The following TRDMT1 variants were observed in gnomAD, a reference collection of about 807,000 sequenced individuals.
TRDMT1 encodes the protein tRNA aspartic acid methyltransferase 1.
Under a neutral mutation model 51.2 loss-of-function variants are expected in TRDMT1, and 49 were observed. That is an observed-to-expected ratio of 0.96 (90% confidence interval 0.76 to 1.21). The LOEUF is 1.21. TRDMT1 is among the 50% of genes most tolerant of loss of function. The pLI is 0.00. For synonymous variants in TRDMT1, 187 were observed against 164.6 expected, an observed-to-expected ratio of 1.14 and a Z score of -1.04; for missense variants, 534 against 462.3, an observed-to-expected ratio of 1.16 and a Z score of -1.42.
chr10:17,191,773 CCTGT>C (rs1380349635), intron 1 of TRDMT1, among the ~76,000 whole-genome samples: 7 of 152,084 alleles, frequency 4.6e-5, no homozygotes, highest in African/African-American at 1.4e-4. Context: ...CCTTTCTCAT[CCTGT>C]CTGTTATTGG....
intron 1 of TRDMT1, 195 bp downstream of exon 1, chr10:17,201,376 A>G (rs762044567): frequency 3.7e-5 from 20 of 535,940 alleles, no homozygotes; most frequent in Non-Finnish European, 5.8e-5. Context: ...CGGCGCCAGG[A>G]GAAGGGAGTC....
At chr10:17,161,357 G>T (rs3752950) in intron 5 of TRDMT1, 126 bp downstream of exon 5, 185,945 of 625,582 alleles carry the variant, frequency 0.3, 28,271 homozygotes, top group Non-Finnish European at 0.32. Context: ...ATACTGATGA[G>T]TAAGACATTT....
intron 5 of TRDMT1, among the ~76,000 whole-genome samples, chr10:17,160,723 G>A (rs533683121): frequency 1.4e-4 from 22 of 152,046 alleles, no homozygotes; most frequent in Admixed American, 2.0e-4. Context: ...CACCCGCCTC[G>A]GCCTCCCAAA....
rs936250826 is a variant in TRDMT1 at position 17,139,628 on chromosome 10, C to T, written c.*9412G>A. 6.6e-6 allele frequency among the ~76,000 whole-genome samples: 1 copy of T among 152,210 alleles called. No individual in the cohort carries two copies. The highest frequency in any genetic ancestry group is 6.5e-5 in the Admixed American group (1 of 15,280). ...GGAAGATAGACGCAGAAGCAGTACA[C>T]ACAGGCATCTTTATCTTGTGAGAGG... is the stretch of plus-strand genomic sequence containing the variant. On this transcript the variant is annotated 3_prime_UTR_variant, in exon 11 of 11. Transcript: ENST00000377799.
chr10:17,191,786 G>A (rs528891368), intron 1 of TRDMT1, among the ~76,000 whole-genome samples: 51 of 152,092 alleles, frequency 3.4e-4, no homozygotes, highest in African/African-American at 1.2e-3. Flanking sequence ...GTCTGTTATT[G>A]GTCAAAAGTC....
In TRDMT1 at chr10:17,157,691, T is replaced by C. The variant is rs1839732770; in HGVS notation, c.637A>G (p.Asn213Asp). The change falls in exon 8 of 11, where the codon AAT becomes GAT. Residue 213 changes from asparagine (N) to aspartate (D), a missense_variant. Transcript: ENST00000377799. ...NKIQEKNVEPNISFDGSIQCS... is the reference protein window; with the variant it reads ...NKIQEKNVEPDISFDGSIQCS... ...TGTATGCTGCCATCAAAGCTAATAT[T>C]TGGTTCAACGTTCTTTTCTTGAATT... The C allele has an allele frequency of 1.2e-6, 2 of 1,613,060 alleles. No homozygotes were observed. The highest frequency in any genetic ancestry group is 1.7e-6 in the Non-Finnish European group (2 of 1,179,548).
chr10:17,178,260 T>C (rs1207756389), intron 1 of TRDMT1, among the ~76,000 whole-genome samples: 2 of 152,198 alleles, frequency 1.3e-5, no homozygotes, highest in Non-Finnish European at 2.9e-5. Flanking sequence ...TCATTCAAAG[T>C]GCTGGCTTAG....
Position 17,165,459 on chromosome 10 carries a change from G to T in TRDMT1, c.252-3222C>A, listed in dbSNP as rs543511535. 4.6e-5 allele frequency among the ~76,000 whole-genome samples: 7 copies of T among 152,274 alleles called. No homozygotes were observed. The East Asian group carries it at 9.6e-4, about 21-fold the overall frequency. On this transcript the variant is annotated intron_variant, in intron 3 of 10. Transcript: ENST00000377799. ...AATACCATTCAGGACATAGGCATGG[G>T]CAAGGACTTTATGTCTAAAACACCA...
At chr10:17,190,651 C>G (rs1207965682) in intron 1 of TRDMT1, among the ~76,000 whole-genome samples, 1 of 152,120 alleles carries the variant, frequency 6.6e-6, no homozygotes, top group African/African-American at 2.4e-5. Flanking sequence ...ACAACCATGC[C>G]TACAAAAACT....
chr10:17,165,173 T>C (rs1241082433), intron 3 of TRDMT1, among the ~76,000 whole-genome samples: 1 of 152,062 alleles, frequency 6.6e-6, no homozygotes, highest in Non-Finnish European at 1.5e-5. Flanking sequence ...AAAACAGAGA[T>C]ATAGATCAAT....
chr10:17,154,787 A>G, intron 8 of TRDMT1, 53 bp from the exon 9 acceptor site: 1 of 1,453,056 alleles, frequency 6.9e-7, no homozygotes, highest in Non-Finnish European at 9.5e-7. Context: ...GTTAATGCTA[A>G]ATTTCTTAAA....
chr10:17,180,749 C>T (rs906282702), intron 1 of TRDMT1, among the ~76,000 whole-genome samples: 3 of 152,088 alleles, frequency 2.0e-5, no homozygotes, highest in African/African-American at 2.4e-5. Flanking sequence ...ATCTTTAATT[C>T]CCTTGTCCCT....
intron 1 of TRDMT1, among the ~76,000 whole-genome samples, chr10:17,191,271 G>A (rs1844644328): frequency 6.6e-6 from 1 of 152,194 alleles, no homozygotes; most frequent in South Asian, 2.1e-4. Context: ...CTCCTCAGGA[G>A]TTTTAATCAC....
rs370811105 is a variant in TRDMT1, at chr10:17,149,126, T to C, written c.1090A>G (p.Ile364Val). The part of the protein sequence containing the change: ...FPPEFGFPEK[I>V]TVKQRYRLLG... ...AGGCGATAACGCTGTTTCACTGTTA[T>C]CTTCTCAGGAAATCCTAAAAAGACA... The change falls in exon 11 of 11, where the codon ATA becomes GTA. Residue 364 changes from isoleucine (I) to valine (V), a missense_variant. Ile to Val is a conservative substitution (Grantham distance 29). Coordinates refer to ENST00000377799, the MANE Select transcript of TRDMT1 (RefSeq NM_004412.7). 29 of 1,609,762 alleles carry C rather than the reference T, an allele frequency of 1.8e-5. No individual in the cohort carries two copies. Among genetic ancestry groups the C allele is most frequent in the Non-Finnish European group, 2.5e-5 (29 of 1,178,012 alleles).
Position 17,172,212 on chromosome 10 carries a change from T to C in TRDMT1, c.174+2339A>G, listed in dbSNP as rs143040893. 4.3e-3 allele frequency among the ~76,000 whole-genome samples: 653 copies of C among 152,222 alleles called. 7 individuals carry two copies. Among genetic ancestry groups the C allele is most frequent in the East Asian group, 0.013 (66 of 5,186 alleles). On this transcript the variant is annotated intron_variant, in intron 2 of 10. Coordinates refer to ENST00000377799, the MANE Select transcript of TRDMT1 (RefSeq NM_004412.7). The stretch of plus-strand genomic sequence containing the variant: ...CGTGATAAAGATAAAATCTTAAATG[T>C]AGACAAAGAAAGACACAATATATTA...
intron 10 of TRDMT1, chr10:17,153,185 G>C (rs570075732): frequency 1.2e-4 from 50 of 428,310 alleles, no homozygotes; most frequent in Admixed American, 6.2e-4. Flanking sequence ...AGGACCTCTG[G>C]AAAAGAAAAT....
At chr10:17,162,514 C>G (rs1428344104) in intron 3 of TRDMT1, among the ~76,000 whole-genome samples, 1 of 152,148 alleles carries the variant, frequency 6.6e-6, no homozygotes, top group Admixed American at 6.5e-5. Flanking sequence ...CGGGACCAGC[C>G]TGGCCGACAT....
intron 1 of TRDMT1, among the ~76,000 whole-genome samples, chr10:17,184,442 G>T (rs888585671): frequency 6.6e-6 from 1 of 150,832 alleles, no homozygotes; most frequent in African/African-American, 2.4e-5. Flanking sequence ...ATAACATATA[G>T]TATAATATAT....
intron 6 of TRDMT1, 21 bp from the exon 7 acceptor site, chr10:17,159,250 T>G (rs777401339): frequency 6.5e-7 from 1 of 1,550,250 alleles, no homozygotes; most frequent in African/African-American, 1.4e-5. Context: ...AGCAAAGCAG[T>G]TAGTTACTCT....
Sources: allele counts gnomAD v4.1 joint callset (sites outside exome capture counted in the v4.1 genomes callset), GRCh38; gene constraint gnomAD v4.1.1; transcripts MANE v1.5; gene names NCBI Gene and HGNC (gene_info 2026-07-23, HGNC 2026-07-21).